Variants in DNM3 observed in about 807,000 individuals in gnomAD.
The protein encoded by DNM3 is dynamin-3.
DNM3 carries 47 observed loss-of-function variants against 101.6 expected under a neutral mutation model. That is an observed-to-expected ratio of 0.46 (90% confidence interval 0.37 to 0.59). The LOEUF (loss-of-function observed/expected upper bound fraction) is 0.59, where lower values mean the gene tolerates loss of function less well. Ranked by LOEUF, DNM3 falls within the 20% of genes least tolerant of loss-of-function variation. The probability of loss-of-function intolerance (pLI) is 0.00; values close to 1 mark genes in which losing one functional copy is unlikely to be tolerated. For synonymous variants in DNM3, 385 were observed against 387.9 expected (o/e 0.99, Z 0.09); for missense variants, 849 against 1,085.7 (o/e 0.78, Z 3.06).
chr1:172,019,008 GC>G (rs1419120870), intron 4 of DNM3, among the ~76,000 whole-genome samples: 1 of 63,888 alleles, frequency 1.6e-5, no homozygotes. Flanking sequence ...TCCTTCCTTC[GC>G]CCCCTCCCTT....
intron 5 of DNM3, 51 bp downstream of exon 5, chr1:172,032,551 T>G (rs1307953193): frequency 3.8e-6 from 4 of 1,058,364 alleles, no homozygotes; most frequent in African/African-American, 4.4e-5. Context: ...TTTTTTTTTT[T>G]TTTTGTTATA....
intron 14 of DNM3, among the ~76,000 whole-genome samples, chr1:172,226,353 A>T (rs1190613469): frequency 2.0e-5 from 3 of 152,208 alleles, no homozygotes; most frequent in Admixed American, 6.5e-5. Flanking sequence ...AGATACTTTT[A>T]AAAAAGATAG....
chr1:171,877,281 A>G (rs1437173286), intron 1 of DNM3, among the ~76,000 whole-genome samples: 1 of 152,234 alleles, frequency 6.6e-6, no homozygotes, highest in Non-Finnish European at 1.5e-5. Context: ...TTTTAAACCC[A>G]AGGATTTTAT....
intron 14 of DNM3, among the ~76,000 whole-genome samples, chr1:172,227,667 T>A (rs1385377742): frequency 1.3e-5 from 2 of 152,138 alleles, no homozygotes; most frequent in Admixed American, 1.3e-4. Context: ...TAATTTGCAC[T>A]TCCTTGATGA....
chr1:172,220,915 T>C (rs1315562631), intron 14 of DNM3, among the ~76,000 whole-genome samples: 3 of 152,206 alleles, frequency 2.0e-5, no homozygotes, highest in East Asian at 3.8e-4. Context: ...TATTGTTCCA[T>C]TTCAGAATTG....
intron 17 of DNM3, among the ~76,000 whole-genome samples, chr1:172,372,081 A>G (rs1353598306): frequency 2.4e-5 from 2 of 84,540 alleles, no homozygotes; most frequent in Non-Finnish European, 4.3e-5. Context: ...CCACCCCACA[A>G]CAGTCCCCAG....
At chr1:172,048,426 A>G (rs2049970178) in intron 9 of DNM3, among the ~76,000 whole-genome samples, 186 bp from the exon 10 acceptor site, 1 of 152,248 alleles carries the variant, frequency 6.6e-6, no homozygotes, top group South Asian at 2.1e-4. Flanking sequence ...AAGACAAATT[A>G]CAGTTAAATA....
intron 13 of DNM3, among the ~76,000 whole-genome samples, chr1:172,105,260 A>G (rs952355403): frequency 3.9e-5 from 6 of 152,244 alleles, no homozygotes; most frequent in African/African-American, 1.4e-4. Context: ...CCTTGAATGT[A>G]TTCCTTACAT....
In DNM3 at chr1:171,841,713, G is replaced by A. The variant is rs759823278; in HGVS notation, c.57G>A (p.Ala19=). The A allele has an allele frequency of 1.9e-6, 3 of 1,611,766 alleles. No individual in the cohort carries two copies. The South Asian group carries it at 3.3e-5, about 18-fold the overall frequency. ...CGCTGGTGAACCGTCTGCAGGACGC[G>A]TTTTCGGCGCTGGGACAGAGCTGCC... ...LIPLVNRLQD[A]FSALGQSCLL... is the part of the protein sequence containing the mutation. The change falls in exon 1 of 21, where the codon GCG becomes GCA. Residue 19 remains alanine (A), a synonymous_variant. Coordinates refer to ENST00000627582, the MANE Select transcript of DNM3 (RefSeq NM_015569.5).
At position 171,845,653 on chromosome 1, in the gene DNM3, C is replaced by T. The variant is rs557714665; in HGVS notation, c.161+3836C>T. 9.9e-5 allele frequency among the ~76,000 whole-genome samples: 15 copies of T among 152,244 alleles called. 1 individual carries two copies. Among genetic ancestry groups the T allele is most frequent in the Admixed American group, 9.2e-4 (14 of 15,290 alleles). On this transcript the variant is annotated intron_variant, in intron 1 of 20. Transcript: ENST00000627582. ...TCATTTCACAGAAGATTTGAGGTGACCCCTTAGGCAGAAGCAACATTTATT... is the reference window on the plus strand; with the variant it reads ...TCATTTCACAGAAGATTTGAGGTGATCCCTTAGGCAGAAGCAACATTTATT...
chr1:172,316,678 A>G (rs1283565285), intron 16 of DNM3, among the ~76,000 whole-genome samples: 3 of 152,172 alleles, frequency 2.0e-5, no homozygotes, highest in Non-Finnish European at 4.4e-5. Context: ...CAATTCAACA[A>G]GAAGAGCTAA....
chr1:171,937,354 A>T (rs767646884), intron 2 of DNM3, among the ~76,000 whole-genome samples: 5 of 152,124 alleles, frequency 3.3e-5, no homozygotes, highest in Non-Finnish European at 7.4e-5. Context: ...CTTAAACTAC[A>T]GCTTTGACCT....
At chr1:172,106,473 A>C (rs2055022562) in intron 13 of DNM3, among the ~76,000 whole-genome samples, 1 of 152,128 alleles carries the variant, frequency 6.6e-6, no homozygotes, top group Non-Finnish European at 1.5e-5. Flanking sequence ...GAGGAGGGAG[A>C]GGATACCTAA....
intron 4 of DNM3, among the ~76,000 whole-genome samples, chr1:172,008,909 C>A (rs1350029889): frequency 3.1e-5 from 4 of 130,300 alleles, no homozygotes; most frequent in Admixed American, 8.4e-5. Context: ...ATAAATATAT[C>A]ATATTAAATA....
chr1:172,008,290 G>A (rs561537879), intron 4 of DNM3, among the ~76,000 whole-genome samples: 9 of 152,054 alleles, frequency 5.9e-5, no homozygotes, highest in East Asian at 3.9e-4. Context: ...TCAATGTCAC[G>A]AAGAGTTTCT....
At chr1:172,039,726 C>G (rs1322070763) in intron 7 of DNM3, among the ~76,000 whole-genome samples, 1 of 152,000 alleles carries the variant, frequency 6.6e-6, no homozygotes, top group Non-Finnish European at 1.5e-5. Flanking sequence ...CTTTATGGCC[C>G]TATTCTTTCT....
At chr1:171,941,898 A>G (rs1419033597) in intron 2 of DNM3, among the ~76,000 whole-genome samples, 1 of 152,228 alleles carries the variant, frequency 6.6e-6, no homozygotes, top group African/African-American at 2.4e-5. Context: ...AAACACTCAG[A>G]TATCAATACA....
At chr1:171,855,279 T>C (rs2033474296) in intron 1 of DNM3, among the ~76,000 whole-genome samples, 1 of 152,224 alleles carries the variant, frequency 6.6e-6, no homozygotes, top group Admixed American at 6.5e-5. Flanking sequence ...AATCTGTCAC[T>C]GATGGGCATT....
Position 172,411,681 on chromosome 1 carries a change from G to A in DNM3, c.*3840G>A, listed in dbSNP as rs1159534979. 1.0e-6 allele frequency: 1 copy of A among 985,270 alleles called. No homozygotes were observed. The highest frequency in any genetic ancestry group is 1.2e-6 in the Non-Finnish European group (1 of 829,828). The allele number at this position is 985,270 out of a possible 1,614,324, so 61.0% of individuals were successfully genotyped here. A position where few individuals can be genotyped will look rare whatever the true frequency, so the allele number is the denominator to read the frequency against. ...GGTAAACATTTTTCATTTGGCAAAT[G>A]GCATAATTATTTGAAAGTGACAGGA... On this transcript the variant is annotated 3_prime_UTR_variant, in exon 21 of 21. Coordinates refer to ENST00000627582, the MANE Select transcript of DNM3 (RefSeq NM_015569.5).
Sources: gnomAD v4.1 joint callset for allele counts (sites outside exome capture counted in the v4.1 genomes callset) on GRCh38, gnomAD v4.1.1 for gene constraint, MANE v1.5 for transcripts, NCBI Gene and HGNC (gene_info 2026-07-23, HGNC 2026-07-21) for gene names.